SEMA3E: variants seen among roughly 807,000 people sequenced by gnomAD.
SEMA3E encodes semaphorin-3E.
A neutral mutation model predicts 93.6 loss-of-function variants in SEMA3E; 49 were observed. The observed-to-expected ratio is 0.52, with a 90% CI of 0.42 to 0.66. SEMA3E has a LOEUF of 0.66. Ranked by LOEUF, SEMA3E falls within the 30% of genes least tolerant of loss-of-function variation. The probability of loss-of-function intolerance (pLI) is 0.00; values close to 1 mark genes in which losing one functional copy is unlikely to be tolerated. For synonymous variants in SEMA3E, 363 were observed against 330.7 expected, an observed-to-expected ratio of 1.10 and a Z score of -1.06; for missense variants, 906 against 964.8, an observed-to-expected ratio of 0.94 and a Z score of 0.81.
At chr7:83,473,142 A>T (rs1789939100) in intron 2 of SEMA3E, among the ~76,000 whole-genome samples, 2 of 152,190 alleles carry the variant, frequency 1.3e-5, no homozygotes, top group African/African-American at 4.8e-5. Flanking sequence ...GTCACTTTTC[A>T]TTGTCAAGTT....
At chr7:83,376,488 T>A (rs1794824527) in intron 16 of SEMA3E, among the ~76,000 whole-genome samples, 1 of 151,970 alleles carries the variant, frequency 6.6e-6, no homozygotes, top group Non-Finnish European at 1.5e-5. Context: ...TATTTTAGAC[T>A]ATAGAAACTT....
At chr7:83,507,385 G>A (rs2115630213) in intron 1 of SEMA3E, among the ~76,000 whole-genome samples, 1 of 151,718 alleles carries the variant, frequency 6.6e-6, no homozygotes, top group South Asian at 2.1e-4. Context: ...AGTGCTTGCA[G>A]TGAATGACTG....
intron 16 of SEMA3E, among the ~76,000 whole-genome samples, chr7:83,377,284 G>T (rs1024885399): frequency 1.3e-5 from 2 of 151,948 alleles, no homozygotes; most frequent in African/African-American, 2.4e-5. Flanking sequence ...CAAAATAGAG[G>T]CATTTTTCAC....
At position 83,420,596 on chromosome 7, in the gene SEMA3E, T is replaced by G. The variant is rs559249068; in HGVS notation, c.457-2113A>C. ...CTATAGTACAAGACTACAGTAAGTA[T>G]AACAGCTTGGTATTGGTACAAGAGC... On this transcript the variant is annotated intron_variant, in intron 4 of 16. Coordinates refer to ENST00000643230, the MANE Select transcript of SEMA3E (RefSeq NM_012431.3). 5.2e-4 allele frequency among the ~76,000 whole-genome samples: 79 copies of G among 152,194 alleles called. 1 individual carries two copies. The South Asian group carries it at 0.016, about 31-fold the overall frequency.
intron 1 of SEMA3E, among the ~76,000 whole-genome samples, chr7:83,593,385 T>C (rs1174340882): frequency 1.3e-5 from 2 of 150,918 alleles, no homozygotes; most frequent in Non-Finnish European, 2.9e-5. Flanking sequence ...AAATACATAA[T>C]CTGCTCTAAC....
At chr7:83,457,681 T>C (rs1386794691) in intron 4 of SEMA3E, among the ~76,000 whole-genome samples, 1 of 152,130 alleles carries the variant, frequency 6.6e-6, no homozygotes, top group Non-Finnish European at 1.5e-5. Flanking sequence ...TTTTCATCTC[T>C]CCCTGCTTGA....
At chr7:83,570,949 G>A (rs1490450100) in intron 1 of SEMA3E, among the ~76,000 whole-genome samples, 3 of 151,478 alleles carry the variant, frequency 2.0e-5, no homozygotes, top group African/African-American at 7.3e-5. Flanking sequence ...AAAATCTAGA[G>A]GAAATGAATA....
rs1794674895 is a variant in SEMA3E, at chr7:83,366,749, A to G, written c.*837T>C. 6.6e-6 allele frequency: 1 copy of G among 152,138 alleles called. No individual in the cohort carries two copies. Among genetic ancestry groups the G allele is most frequent in the South Asian group, 2.1e-4 (1 of 4,830 alleles). 9.4% of individuals were successfully genotyped at this position (152,138 alleles called of 1,614,324 possible). On this transcript the variant is annotated 3_prime_UTR_variant, in exon 17 of 17. Transcript: ENST00000643230. ...GTACCTACTGATAATCTGCTTTCAA[A>G]TCTTTCCTAAACAGATATCCGTCTG...
chr7:83,387,856 A>C (rs1399476999), intron 14 of SEMA3E, among the ~76,000 whole-genome samples: 1 of 145,544 alleles, frequency 6.9e-6, no homozygotes, highest in East Asian at 2.0e-4. Context: ...ATATGTTTAT[A>C]TATATATAAC....
chr7:83,603,794 C>A (rs3801568), intron 1 of SEMA3E, among the ~76,000 whole-genome samples: 42,603 of 151,944 alleles, frequency 0.28, 6,585 homozygotes, highest in African/African-American at 0.4. Flanking sequence ...AATATTGTTT[C>A]AAATCTATCT....
At chr7:83,395,637 T>G (rs1218615769) in intron 12 of SEMA3E, among the ~76,000 whole-genome samples, 3 of 152,170 alleles carry the variant, frequency 2.0e-5, no homozygotes, top group Admixed American at 6.6e-5. Flanking sequence ...TCATGGACTA[T>G]GTAGTGCCAA....
intron 3 of SEMA3E, among the ~76,000 whole-genome samples, chr7:83,467,017 A>G (rs1419155675): frequency 6.6e-6 from 1 of 151,578 alleles, no homozygotes; most frequent in Non-Finnish European, 1.5e-5. Flanking sequence ...TAAAACCAAA[A>G]ATTTGAAAAA....
chr7:83,441,230 C>T (rs1296313422), intron 4 of SEMA3E, among the ~76,000 whole-genome samples: 1 of 151,910 alleles, frequency 6.6e-6, no homozygotes, highest in African/African-American at 2.4e-5. Flanking sequence ...AGTTAGGTTA[C>T]AAAAATTAGG....
chr7:83,386,181 CT>C (rs1787876193), intron 15 of SEMA3E, among the ~76,000 whole-genome samples: 1 of 152,132 alleles, frequency 6.6e-6, no homozygotes, highest in South Asian at 2.1e-4. Context: ...GAAGGTCCTA[CT>C]TTTCTCTTGC....
At chr7:83,478,979 T>C (rs1304885975) in intron 2 of SEMA3E, among the ~76,000 whole-genome samples, 4 of 152,190 alleles carry the variant, frequency 2.6e-5, no homozygotes, top group Non-Finnish European at 5.9e-5. Flanking sequence ...ATCACTAAAC[T>C]ACAATTCTAA....
At chr7:83,511,758 G>T (rs182407814) in intron 1 of SEMA3E, among the ~76,000 whole-genome samples, 6 of 152,220 alleles carry the variant, frequency 3.9e-5, no homozygotes, top group Admixed American at 3.9e-4. Context: ...GCCCAGGCAT[G>T]GTGGTGGGTG....
intron 1 of SEMA3E, among the ~76,000 whole-genome samples, chr7:83,612,837 T>G (rs1793291849): frequency 6.6e-6 from 1 of 152,130 alleles, no homozygotes; most frequent in African/African-American, 2.4e-5. Context: ...CTTTAACACA[T>G]ATGTTTTATA....
chr7:83,615,402 A>G (rs957280540), intron 1 of SEMA3E, among the ~76,000 whole-genome samples: 1 of 152,026 alleles, frequency 6.6e-6, no homozygotes, highest in Admixed American at 6.6e-5. Context: ...ACAGAATAAT[A>G]TAATGATGAT....
At chr7:83,413,189 T>C (rs1788475368) in intron 5 of SEMA3E, among the ~76,000 whole-genome samples, 1 of 152,166 alleles carries the variant, frequency 6.6e-6, no homozygotes, top group Non-Finnish European at 1.5e-5. Context: ...GCCTTAATAT[T>C]TTATGGAACG....
Sources: gnomAD v4.1 joint callset for allele counts (sites outside exome capture counted in the v4.1 genomes callset) on GRCh38, gnomAD v4.1.1 for gene constraint, MANE v1.5 for transcripts, NCBI Gene and HGNC (gene_info 2026-07-23, HGNC 2026-07-21) for gene names.